CLDN14: variants seen among roughly 807,000 people sequenced by gnomAD.
CLDN14 encodes the protein claudin-14.
A neutral mutation model predicts 2.1 loss-of-function variants in CLDN14; 2 were observed. The ratio of observed to expected loss-of-function variants is 0.96; its 90% CI spans 0.39 to 3.01. CLDN14 has a LOEUF of 3.01. CLDN14 is among the 30% of genes most tolerant of loss of function. CLDN14 has a pLI of 0.09. For synonymous variants in CLDN14, 136 were observed against 154.4 expected, an observed-to-expected ratio of 0.88 and a Z score of 0.88; for missense variants, 298 against 328.0, an observed-to-expected ratio of 0.91 and a Z score of 0.71.
At chr21:36,517,652 C>T (rs2087238908) in intron 1 of CLDN14, among the ~76,000 whole-genome samples, 1 of 152,190 alleles carries the variant, frequency 6.6e-6, no homozygotes, top group Non-Finnish European at 1.5e-5. Context: ...ATGTTGGATA[C>T]AGTCCTGCAC....
intron 1 of CLDN14, among the ~76,000 whole-genome samples, chr21:36,472,896 A>G (rs577617738): frequency 6.6e-6 from 1 of 152,324 alleles, no homozygotes; most frequent in East Asian, 1.9e-4. Context: ...CCGTCTCCAA[A>G]TACTATCACA....
intron 2 of CLDN14, among the ~76,000 whole-genome samples, chr21:36,509,135 C>A (rs1457129565): frequency 6.6e-6 from 1 of 152,220 alleles, no homozygotes; most frequent in African/African-American, 2.4e-5. Context: ...TGGCCCTGGG[C>A]ATGGCTGCGG....
intron 2 of CLDN14, among the ~76,000 whole-genome samples, chr21:36,485,381 G>T (rs930670337): frequency 6.6e-6 from 1 of 151,992 alleles, no homozygotes; most frequent in Non-Finnish European, 1.5e-5. Flanking sequence ...GCTAATTTTT[G>T]TATTTTTAGT....
chr21:36,517,353 T>A (rs190329387), intron 1 of CLDN14, among the ~76,000 whole-genome samples: 1 of 150,944 alleles, frequency 6.6e-6, no homozygotes, highest in African/African-American at 2.5e-5. Flanking sequence ...CCTAAAACAT[T>A]TATTGTCTGG....
At chr21:36,553,427 A>T (rs1050882972) in intron 1 of CLDN14, among the ~76,000 whole-genome samples, 1 of 152,088 alleles carries the variant, frequency 6.6e-6, no homozygotes, top group African/African-American at 2.4e-5. Flanking sequence ...CTCTGCTGGC[A>T]AGCTCTTGCA....
intron 2 of CLDN14, among the ~76,000 whole-genome samples, chr21:36,503,358 T>C (rs1317459975): frequency 6.6e-6 from 1 of 152,216 alleles, no homozygotes; most frequent in Non-Finnish European, 1.5e-5. Flanking sequence ...CCAGCTAATA[T>C]GGTTTGGTTC....
At chr21:36,486,564 C>T (rs773736927) in intron 2 of CLDN14, 2 of 1,555,530 alleles carry the variant, frequency 1.3e-6, no homozygotes, top group Admixed American at 1.7e-5. Context: ...AGAGCATCAG[C>T]CAAGCTGGGC....
At chr21:36,478,195 G>C (rs1282245617) in intron 1 of CLDN14, among the ~76,000 whole-genome samples, 1 of 152,206 alleles carries the variant, frequency 6.6e-6, no homozygotes, top group Non-Finnish European at 1.5e-5. Context: ...GAATCTACGT[G>C]TCTTCCTTTT....
At chr21:36,575,927 C>G (rs1271878033) in intron 1 of CLDN14, among the ~76,000 whole-genome samples, 1 of 152,166 alleles carries the variant, frequency 6.6e-6, no homozygotes, top group Non-Finnish European at 1.5e-5. Context: ...TGCAGTGACT[C>G]CCGAAGACCC....
At chr21:36,489,118 A>AAAAAAAAT (rs1491328978) in intron 2 of CLDN14, among the ~76,000 whole-genome samples, 1 of 40,748 alleles carries the variant, frequency 2.5e-5, no homozygotes, top group Non-Finnish European at 4.7e-5. Flanking sequence ...TGTCTCAAAG[A>AAAAAAAAT]AAAAAAAAAA....
At chr21:36,559,085 T>A (rs2087616810) in intron 1 of CLDN14, among the ~76,000 whole-genome samples, 1 of 152,180 alleles carries the variant, frequency 6.6e-6, no homozygotes, top group African/African-American at 2.4e-5. Flanking sequence ...AGCTTTCAGT[T>A]TTTTACTGTT....
chr21:36,496,508 C>T (rs1247791970), intron 2 of CLDN14, among the ~76,000 whole-genome samples: 1 of 148,992 alleles, frequency 6.7e-6, no homozygotes, highest in African/African-American at 2.5e-5. Flanking sequence ...AGAAGCCTTT[C>T]TTCTAGGGAC....
intron 1 of CLDN14, among the ~76,000 whole-genome samples, chr21:36,464,667 C>G (rs1255969037): frequency 2.6e-5 from 4 of 152,252 alleles, no homozygotes; most frequent in Non-Finnish European, 5.9e-5. Context: ...CGGACCCACC[C>G]TGCACCCTGA....
chr21:36,531,359 C>T (rs1466609397), intron 1 of CLDN14, among the ~76,000 whole-genome samples: 5 of 150,772 alleles, frequency 3.3e-5, no homozygotes, highest in Non-Finnish European at 7.4e-5. Context: ...ATCTTGGCTT[C>T]CTGAAGCCTC....
chr21:36,567,035 G>T (rs2087678281), intron 1 of CLDN14, among the ~76,000 whole-genome samples: 1 of 152,214 alleles, frequency 6.6e-6, no homozygotes, highest in African/African-American at 2.4e-5. Context: ...ACATTTTCCA[G>T]GGCATATCTT....
intron 1 of CLDN14, among the ~76,000 whole-genome samples, chr21:36,537,735 C>T (rs1273264268): frequency 6.6e-6 from 1 of 150,816 alleles, no homozygotes; most frequent in Non-Finnish European, 1.5e-5. Context: ...CTGCCACCTC[C>T]ACTTCCTGGG....
chr21:36,537,094 G>A (rs2087429817), intron 1 of CLDN14, among the ~76,000 whole-genome samples: 2 of 152,248 alleles, frequency 1.3e-5, no homozygotes, highest in African/African-American at 4.8e-5. Flanking sequence ...TGAGGCTAAG[G>A]CAGGAGGATC....
chr21:36,469,742 A>G (rs219757), intron 1 of CLDN14, among the ~76,000 whole-genome samples: 52,405 of 152,054 alleles, frequency 0.34, 9,951 homozygotes, highest in African/African-American at 0.52. Context: ...AACTTAAGTC[A>G]CCATGACCAC....
chr21:36,503,334 A>G (rs2087105162), intron 2 of CLDN14, among the ~76,000 whole-genome samples: 1 of 152,222 alleles, frequency 6.6e-6, no homozygotes. Flanking sequence ...GATTACAGGC[A>G]TGAGCCACTA....
Sources: allele counts gnomAD v4.1 joint callset (sites outside exome capture counted in the v4.1 genomes callset), GRCh38; gene constraint gnomAD v4.1.1; transcripts MANE v1.5; gene names NCBI Gene and HGNC (gene_info 2026-07-23, HGNC 2026-07-21).